MIS18A: variants seen among roughly 807,000 people sequenced by gnomAD.
The protein encoded by MIS18A is protein Mis18-alpha.
MIS18A carries 14 observed loss-of-function variants against 25.0 expected under a neutral mutation model. The ratio of observed to expected loss-of-function variants is 0.56; its 90% CI spans 0.37 to 0.88. MIS18A has a LOEUF of 0.88. Ranked by LOEUF, MIS18A falls within the 40% of genes least tolerant of loss-of-function variation. The pLI, the probability that MIS18A is intolerant of heterozygous loss-of-function variation, is 0.00. For synonymous variants in MIS18A, 134 were observed against 118.6 expected, an observed-to-expected ratio of 1.13 and a Z score of -0.84; for missense variants, 292 against 290.8, an observed-to-expected ratio of 1.00 and a Z score of -0.03.
At chr21:32,198,102 C>T in the MIS18A span, among the ~76,000 whole-genome samples, 1 of 152,180 alleles carries the variant, frequency 6.6e-6, no homozygotes, top group Non-Finnish European at 1.5e-5. Flanking sequence ...AGCTCTTTAA[C>T]TCTTGAAGTT....
intron 1 of MIS18A, among the ~76,000 whole-genome samples, chr21:32,276,102 C>T (rs556523174): frequency 6.6e-6 from 1 of 152,296 alleles, no homozygotes; most frequent in South Asian, 2.1e-4. Flanking sequence ...TAACCAGTCT[C>T]AAGGCTTTTG....
At chr21:32,246,721 G>C in the MIS18A span, among the ~76,000 whole-genome samples, 1 of 152,012 alleles carries the variant, frequency 6.6e-6, no homozygotes, top group Admixed American at 6.6e-5. Context: ...CCTTTCCAGC[G>C]CCTTCTCTTT....
chr21:32,254,625 T>A, the MIS18A span, among the ~76,000 whole-genome samples: 1 of 152,228 alleles, frequency 6.6e-6, no homozygotes, highest in East Asian at 1.9e-4. Context: ...CAAGATTTCA[T>A]TAATTATGTC....
chr21:32,266,578 G>A (rs913182888), downstream of MIS18A, among the ~76,000 whole-genome samples: 21 of 151,860 alleles, frequency 1.4e-4, no homozygotes, highest in South Asian at 4.2e-4. Context: ...CGGGAGGAAC[G>A]AACAACTCCA....
chr21:32,239,613 G>A, the MIS18A span, among the ~76,000 whole-genome samples: 2 of 152,186 alleles, frequency 1.3e-5, no homozygotes, highest in Non-Finnish European at 2.9e-5. Flanking sequence ...AGGTATGTGC[G>A]AGCCGCCTCG....
In MIS18A at chr21:32,268,588, TG is replaced by T. The variant is rs2031647246; in HGVS notation, c.*448del. ...CATTTATAATAAATGTTGTCCCAAGTGTTAAATGTCAAAGTTTTTAAAAATA... is the reference window on the plus strand; with the variant it reads ...CATTTATAATAAATGTTGTCCCAAGTTTAAATGTCAAAGTTTTTAAAAATA... On this transcript the variant is annotated 3_prime_UTR_variant, in exon 5 of 5. Coordinates refer to ENST00000290130, the MANE Select transcript of MIS18A (RefSeq NM_018944.3). The T allele has an allele frequency of 6.6e-6, 1 of 152,242 alleles. No individual in the cohort carries two copies. Among genetic ancestry groups the T allele is most frequent in the African/African-American group, 2.4e-5 (1 of 41,418 alleles). The allele number at this position is 152,242 out of a possible 1,614,324, so 9.4% of individuals were successfully genotyped here.
the MIS18A span, among the ~76,000 whole-genome samples, chr21:32,227,100 T>G: frequency 6.6e-6 from 1 of 152,102 alleles, no homozygotes; most frequent in Non-Finnish European, 1.5e-5. Context: ...TAGTTGTAAG[T>G]GTCTATATTT....
chr21:32,275,864 C>A (rs2031798578), intron 1 of MIS18A, among the ~76,000 whole-genome samples: 1 of 152,078 alleles, frequency 6.6e-6, no homozygotes, highest in Admixed American at 6.5e-5. Flanking sequence ...CCACCAGCAC[C>A]ACCTCTTGCC....
chr21:32,216,327 A>G, the MIS18A span, among the ~76,000 whole-genome samples: 3 of 152,226 alleles, frequency 2.0e-5, no homozygotes, highest in African/African-American at 4.8e-5. Context: ...AAGGAGAAGA[A>G]CAGTTCTGGA....
At chr21:32,202,070 C>T in the MIS18A span, among the ~76,000 whole-genome samples, 7 of 152,140 alleles carry the variant, frequency 4.6e-5, no homozygotes, top group Non-Finnish European at 8.8e-5. Flanking sequence ...ATGTGGATCA[C>T]TTGAACCTAG....
chr21:32,157,834 T>C, the MIS18A span, among the ~76,000 whole-genome samples: 7 of 152,206 alleles, frequency 4.6e-5, no homozygotes, highest in Non-Finnish European at 7.3e-5. Context: ...AACAAAAGCA[T>C]ATTTTATATT....
At chr21:32,238,356 A>G in the MIS18A span, among the ~76,000 whole-genome samples, 433 of 152,328 alleles carry the variant, frequency 2.8e-3, 3 homozygotes, top group African/African-American at 9.8e-3. Flanking sequence ...AAGTCCAAGA[A>G]GTCTCTCAGG....
chr21:32,253,223 A>C, the MIS18A span, among the ~76,000 whole-genome samples: 2 of 152,088 alleles, frequency 1.3e-5, no homozygotes, highest in African/African-American at 2.4e-5. Flanking sequence ...GGAGGGAAGG[A>C]AGGCTCTATG....
chr21:32,166,220 A>C, the MIS18A span, among the ~76,000 whole-genome samples: 1 of 152,234 alleles, frequency 6.6e-6, no homozygotes, highest in Admixed American at 6.5e-5. Flanking sequence ...TGTATCTCAC[A>C]AAGAATGAAG....
the MIS18A span, among the ~76,000 whole-genome samples, chr21:32,249,848 G>C: frequency 6.6e-6 from 1 of 152,092 alleles, no homozygotes; most frequent in African/African-American, 2.4e-5. Context: ...ACCTCCCCCA[G>C]CCCCCACTTC....
At chr21:32,258,859 TTTATTTATTTATTTATTTAC>T in the MIS18A span, among the ~76,000 whole-genome samples, 43 of 123,036 alleles carry the variant, frequency 3.5e-4, no homozygotes, top group South Asian at 3.2e-3. Flanking sequence ...TATTTATTTA[TTTATTTATTTATTTATTTAC>T]TTACTTACTT....
At chr21:32,245,108 G>T in the MIS18A span, among the ~76,000 whole-genome samples, 4 of 152,166 alleles carry the variant, frequency 2.6e-5, no homozygotes, top group African/African-American at 9.7e-5. Context: ...TTGATTAATT[G>T]ATCATTGACT....
the MIS18A span, among the ~76,000 whole-genome samples, chr21:32,189,750 T>A: frequency 2.0e-5 from 3 of 152,048 alleles, no homozygotes; most frequent in African/African-American, 7.2e-5. Context: ...CTGCAGGCAG[T>A]CCTCCTAGAT....
the MIS18A span, among the ~76,000 whole-genome samples, chr21:32,262,811 C>T: frequency 2.6e-5 from 4 of 152,160 alleles, no homozygotes; most frequent in African/African-American, 9.7e-5. Flanking sequence ...TGAAATGAGG[C>T]CAGTTCTATT....
Sources: allele counts gnomAD v4.1 joint callset (sites outside exome capture counted in the v4.1 genomes callset), GRCh38; gene constraint gnomAD v4.1.1; transcripts MANE v1.5; gene names NCBI Gene and HGNC (gene_info 2026-07-23, HGNC 2026-07-21).